The following ATE1 variants were observed in gnomAD, a reference collection of about 807,000 sequenced individuals.
ATE1 encodes the protein arginyl-tRNA--protein transferase 1.
A neutral mutation model predicts 70.5 loss-of-function variants in ATE1; 36 were observed. The ratio of observed to expected loss-of-function variants is 0.51; its 90% CI spans 0.39 to 0.67. ATE1 has a LOEUF of 0.67. Ranked by LOEUF, ATE1 falls within the 30% of genes least tolerant of loss-of-function variation. The probability of loss-of-function intolerance (pLI) is 0.00; values close to 1 mark genes in which losing one functional copy is unlikely to be tolerated. For missense variants in ATE1, 593 were observed against 629.5 expected (o/e 0.94, Z 0.62); for synonymous variants, 232 against 219.3 (o/e 1.06, Z -0.51).
intron 8 of ATE1, among the ~76,000 whole-genome samples, chr10:121,851,007 C>T (rs1373986634): frequency 4.6e-5 from 6 of 129,724 alleles, no homozygotes; most frequent in African/African-American, 1.8e-4. Flanking sequence ...AGGAGAATGG[C>T]GTGAACCTGG....
chr10:121,751,920 G>C (rs1054833092), intron 11 of ATE1, among the ~76,000 whole-genome samples: 9 of 152,110 alleles, frequency 5.9e-5, no homozygotes, highest in Admixed American at 4.6e-4. Flanking sequence ...GTGGCCGGGC[G>C]TGGTGGCTCC....
intron 8 of ATE1, among the ~76,000 whole-genome samples, chr10:121,867,651 T>C (rs1949709264): frequency 6.6e-6 from 1 of 152,166 alleles, no homozygotes; most frequent in African/African-American, 2.4e-5. Context: ...GAGTAAAGGA[T>C]AAAACAACAC....
chr10:121,895,678 T>G (rs1950753792), intron 7 of ATE1, among the ~76,000 whole-genome samples: 1 of 151,932 alleles, frequency 6.6e-6, no homozygotes, highest in African/African-American at 2.4e-5. Flanking sequence ...CCAGGTGCAG[T>G]GGCTCACATC....
intron 11 of ATE1, among the ~76,000 whole-genome samples, chr10:121,777,208 C>G (rs1945784616): frequency 6.6e-6 from 1 of 152,150 alleles, no homozygotes; most frequent in Admixed American, 6.5e-5. Flanking sequence ...CTTTAGATTT[C>G]TAGTTTAAAC....
intron 10 of ATE1, among the ~76,000 whole-genome samples, chr10:121,791,343 C>T (rs183127815): frequency 2.6e-5 from 4 of 151,976 alleles, no homozygotes; most frequent in African/African-American, 7.3e-5. Context: ...ATCCGCCCAC[C>T]TCAGCCTCCC....
intron 11 of ATE1, among the ~76,000 whole-genome samples, chr10:121,750,028 T>C (rs546606750): frequency 8.5e-5 from 13 of 152,316 alleles, no homozygotes; most frequent in African/African-American, 3.1e-4. Context: ...TTCTAATTCT[T>C]AGCATATTCT....
intron 7 of ATE1, chr10:121,898,984 A>G (rs1950877696): frequency 1.2e-6 from 2 of 1,611,338 alleles, no homozygotes; most frequent in African/African-American, 2.7e-5. Context: ...AGAGCAAGGA[A>G]AATACAAGCA....
At chr10:121,743,916 CTTT>C (rs35850942) in intron 11 of ATE1, 58 bp from the exon 12 acceptor site, 32,745 of 851,686 alleles carry the variant, frequency 0.038, 1 homozygote, top group South Asian at 0.064. Context: ...TTTTTGTTTC[CTTT>C]TTTTTTTTTT....
In ATE1 at chr10:121,902,442, G is replaced by A. The variant is rs189251596; in HGVS notation, c.762C>T (p.Leu254=). Reference sequence around the variant, plus strand: ...GTAAAGACTCAAAAATTAAATCTTCGAGTGATTTTGGCTGGTTGGATTTAG... The same window carrying A: ...GTAAAGACTCAAAAATTAAATCTTCAAGTGATTTTGGCTGGTTGGATTTAG... The part of the protein sequence containing the change: ...PKAKSNQPKS[L]EDLIFESLPE... Residue 254 remains leucine (L), a synonymous_variant, in exon 6 of 12, where the codon CTC becomes CTT. Transcript: ENST00000224652. The A allele has an allele frequency of 9.9e-6, 16 of 1,614,156 alleles. No homozygotes were observed. In the African/African-American group the frequency reaches 1.2e-4, roughly 12 times the overall value.
rs181541476 is a variant in ATE1, at chr10:121,894,860, C to G, written c.942+5006G>C. 9.9e-5 allele frequency among the ~76,000 whole-genome samples: 15 copies of G among 152,036 alleles called. No individual in the cohort carries two copies. The South Asian group carries it at 1.5e-3, about 15-fold the overall frequency. On this transcript the variant is annotated intron_variant, in intron 7 of 11. Transcript: ENST00000224652. ...AGCTTGCAGTGAGCCGAGATCGCACCGCTGCACTCCAGCCTGGGCGACAGA... is the reference window on the plus strand; with the variant it reads ...AGCTTGCAGTGAGCCGAGATCGCACGGCTGCACTCCAGCCTGGGCGACAGA...
At chr10:121,780,804 C>T (rs1220653173) in intron 11 of ATE1, among the ~76,000 whole-genome samples, 1 of 152,154 alleles carries the variant, frequency 6.6e-6, no homozygotes, top group Non-Finnish European at 1.5e-5. Flanking sequence ...TGACCTTCTA[C>T]ACCCCGTCAA....
chr10:121,785,174 T>C (rs1946154411), intron 11 of ATE1, among the ~76,000 whole-genome samples: 1 of 152,146 alleles, frequency 6.6e-6, no homozygotes. Context: ...AGTGGGTAGT[T>C]TGACCTCAAA....
intron 11 of ATE1, among the ~76,000 whole-genome samples, chr10:121,757,878 G>T (rs1421396714): frequency 6.6e-6 from 1 of 152,166 alleles, no homozygotes; most frequent in Non-Finnish European, 1.5e-5. Flanking sequence ...CCTCATATTT[G>T]TGTGTATTCT....
At chr10:121,775,970 T>C (rs1372164180) in intron 11 of ATE1, among the ~76,000 whole-genome samples, 4 of 152,240 alleles carry the variant, frequency 2.6e-5, no homozygotes, top group African/African-American at 9.6e-5. Flanking sequence ...GTTCATTTTT[T>C]CTCATTTAAA....
intron 10 of ATE1, among the ~76,000 whole-genome samples, chr10:121,799,606 C>T (rs755957848): frequency 7.1e-4 from 108 of 152,320 alleles, no homozygotes; most frequent in Non-Finnish European, 1.3e-3. Context: ...CCTGTGTCTA[C>T]AGTTTCAGGA....
chr10:121,800,004 G>A (rs1946812578), intron 10 of ATE1, among the ~76,000 whole-genome samples: 1 of 152,058 alleles, frequency 6.6e-6, no homozygotes, highest in East Asian at 1.9e-4. Context: ...CTTTGATTAC[G>A]ATAGTAAATC....
intron 7 of ATE1, among the ~76,000 whole-genome samples, chr10:121,881,787 T>C (rs1334693663): frequency 6.6e-6 from 1 of 152,024 alleles, no homozygotes; most frequent in Non-Finnish European, 1.5e-5. Context: ...TCTTTACAAG[T>C]TTTTTGTTTT....
At chr10:121,895,388 T>A (rs992592837) in intron 7 of ATE1, among the ~76,000 whole-genome samples, 15 of 152,060 alleles carry the variant, frequency 9.9e-5, no homozygotes, top group African/African-American at 3.6e-4. Context: ...GGCGGGTGGA[T>A]CACGAGGTCA....
intron 11 of ATE1, among the ~76,000 whole-genome samples, chr10:121,745,839 G>A (rs1944347985): frequency 6.6e-6 from 1 of 152,328 alleles, no homozygotes; most frequent in Non-Finnish European, 1.5e-5. Flanking sequence ...GAAACAGCCT[G>A]AATGTCCATC....
Sources: allele counts gnomAD v4.1 joint callset (sites outside exome capture counted in the v4.1 genomes callset), GRCh38; gene constraint gnomAD v4.1.1; transcripts MANE v1.5; gene names NCBI Gene and HGNC (gene_info 2026-07-23, HGNC 2026-07-21).